TRPV1: variants seen among roughly 807,000 people sequenced by gnomAD.
The protein encoded by TRPV1 is OTRPC1.
Under a neutral mutation model 82.3 loss-of-function variants are expected in TRPV1, and 82 were observed. The ratio of observed to expected loss-of-function variants is 1.00; its 90% confidence interval spans 0.83 to 1.20. TRPV1 has a LOEUF of 1.20. Ranked by LOEUF, TRPV1 falls within the 50% of genes most tolerant of loss-of-function variation. The pLI, the probability that TRPV1 is intolerant of heterozygous loss-of-function variation, is 0.00. For synonymous variants in TRPV1, 515 were observed against 467.7 expected (o/e 1.10, Z -1.30); for missense variants, 1,067 against 1,096.8 (o/e 0.97, Z 0.38).
At chr17:3,579,276 G>A (rs976031819) in intron 11 of TRPV1, among the ~76,000 whole-genome samples, 1 of 152,108 alleles carries the variant, frequency 6.6e-6, no homozygotes, top group Admixed American at 6.6e-5. Flanking sequence ...GTTAAAGGAT[G>A]CGGTTTGTGA....
Position 3,567,003 on chromosome 17 carries a change from A to G in TRPV1, c.2348-16T>C, listed in dbSNP as rs2074773123. ...CTGCCTGAAACTGAAGGGTAACACTATTACTACCTTGGATGCAACAAAACA... is the reference window on the plus strand; with the variant it reads ...CTGCCTGAAACTGAAGGGTAACACTGTTACTACCTTGGATGCAACAAAACA... On this transcript the variant is annotated splice_polypyrimidine_tract_variant and intron_variant, in intron 16 of 16. Coordinates refer to ENST00000572705, the MANE Select transcript of TRPV1 (RefSeq NM_080704.4). The G allele has an allele frequency of 6.2e-7, 1 of 1,612,386 alleles. No individual in the cohort carries two copies. The highest frequency in any genetic ancestry group is 1.1e-5 in the South Asian group (1 of 90,960).
intron 12 of TRPV1, 74 bp from the exon 13 acceptor site, chr17:3,577,266 G>A (rs756855799): frequency 2.6e-5 from 39 of 1,487,650 alleles, no homozygotes; most frequent in African/African-American, 8.4e-5. Context: ...GGGCCGCATC[G>A]GCCTGGGGAT....
intron 16 of TRPV1, 93 bp from the exon 17 acceptor site, chr17:3,567,080 A>G (rs2074773713): frequency 1.4e-6 from 2 of 1,429,260 alleles, no homozygotes; most frequent in South Asian, 2.7e-5. Flanking sequence ...GGTCCAAGAC[A>G]GGCACGATGG....
At chr17:3,589,731 C>T in intron 7 of TRPV1, 76 bp downstream of exon 7, 9 of 1,500,902 alleles carry the variant, frequency 6.0e-6, no homozygotes, top group Non-Finnish European at 8.1e-6. Context: ...CGCCAGGCTC[C>T]CGCAGTGAGT....
rs371029458 is a variant in TRPV1 at position 3,583,368 on chromosome 17, C to T, written c.1446G>A (p.Val482=). ...YFRVTGEILS[V]LGGVYFFFRG... ...GGAAAAAGAAGTAGACTCCTCCTAA[C>T]ACAGACAGGATCTCTCCAGTAACTC... Residue 482 remains valine, a synonymous_variant, in exon 10 of 17, where the codon GTG becomes GTA. Coordinates refer to ENST00000572705, the MANE Select transcript of TRPV1 (RefSeq NM_080704.4). 3.7e-6 allele frequency: 6 copies of T among 1,610,302 alleles called. No homozygotes were observed. Among genetic ancestry groups the T allele is most frequent in the Non-Finnish European group, 5.1e-6 (6 of 1,178,302 alleles).
At chr17:3,568,181 G>T (rs1219323989) in intron 16 of TRPV1, among the ~76,000 whole-genome samples, 1 of 152,022 alleles carries the variant, frequency 6.6e-6, no homozygotes, top group Non-Finnish European at 1.5e-5. Context: ...AATTAGCCGG[G>T]CGTAGTGGCG....
intron 16 of TRPV1, 77 bp downstream of exon 16, chr17:3,571,447 G>A: frequency 2.5e-6 from 3 of 1,209,964 alleles, no homozygotes; most frequent in Non-Finnish European, 3.5e-6. Context: ...CAAGGCGTGG[G>A]GAACCTGCAA....
At chr17:3,568,321 CA>C (rs536064872) in intron 16 of TRPV1, among the ~76,000 whole-genome samples, 227 of 88,124 alleles carry the variant, frequency 2.6e-3, no homozygotes, top group Middle Eastern at 7.6e-3. Context: ...GACTCCGTCT[CA>C]AAAAAAAAAA....
intron 15 of TRPV1, 110 bp from the exon 16 acceptor site, chr17:3,571,749 G>A: frequency 1.2e-6 from 1 of 844,826 alleles, no homozygotes; most frequent in Non-Finnish European, 1.9e-6. Flanking sequence ...TGGAGATGTG[G>A]TGGGTCGGGG....
intron 3 of TRPV1, among the ~76,000 whole-genome samples, chr17:3,591,865 C>T (rs945138683): frequency 2.6e-5 from 4 of 152,344 alleles, no homozygotes; most frequent in East Asian, 3.9e-4. Context: ...CGGGCGTGGA[C>T]ACCTAGACCC....
chr17:3,589,945 G>A lies in TRPV1; in HGVS notation c.906C>T (p.Asn302=). 1 of 1,569,792 alleles carries A rather than the reference G, an allele frequency of 6.4e-7. No homozygotes were observed. Residue 302 remains asparagine (N), a synonymous_variant, in exon 7 of 17, where the codon AAC becomes AAT. Coordinates refer to ENST00000572705, the MANE Select transcript of TRPV1 (RefSeq NM_080704.4). ...TGTACATGCTCGTCACAAACTTCGTGTTGTCGGCCGTGTTGTCGGCCACCT... is the reference window on the plus strand; with the variant it reads ...TGTACATGCTCGTCACAAACTTCGTATTGTCGGCCGTGTTGTCGGCCACCT... ...LVEVADNTAD[N]TKFVTSMYNE... is the part of the protein sequence containing the mutation.
chr17:3,603,722 T>C (rs933382124), intron 2 of TRPV1, among the ~76,000 whole-genome samples: 1 of 152,320 alleles, frequency 6.6e-6, no homozygotes, highest in African/African-American at 2.4e-5. Context: ...TTATGACTAA[T>C]TGTTTTTTAA....
chr17:3,603,340 G>A (rs903180736), intron 2 of TRPV1, among the ~76,000 whole-genome samples: 2 of 152,076 alleles, frequency 1.3e-5, no homozygotes, highest in Non-Finnish European at 2.9e-5. Context: ...CTGGAGCCCC[G>A]CTCTGCAGAG....
chr17:3,580,536 A>C lies in TRPV1; in HGVS notation c.1477-9T>G. 6.2e-7 allele frequency: 1 copy of C among 1,613,974 alleles called. No homozygotes were observed. On this transcript the variant is annotated splice_polypyrimidine_tract_variant and intron_variant, in intron 10 of 16. Coordinates refer to ENST00000572705, the MANE Select transcript of TRPV1 (RefSeq NM_080704.4). The stretch of plus-strand genomic sequence containing the variant: ...TGCAGGAAATACTGAATCTGCAGGT[A>C]AACAGAGAGAGTAAGATCCCAGGCA...
chr17:3,574,009 T>A (rs905186557), intron 13 of TRPV1, 54 bp from the exon 14 acceptor site: 6 of 1,423,384 alleles, frequency 4.2e-6, no homozygotes, highest in Non-Finnish European at 5.7e-6. Flanking sequence ...ATATCCCAAG[T>A]CCCCTGACAT....
chr17:3,587,841 C>T (rs1302272258), intron 8 of TRPV1, among the ~76,000 whole-genome samples: 1 of 138,516 alleles, frequency 7.2e-6, no homozygotes, highest in African/African-American at 2.5e-5. Flanking sequence ...TCTACACGCC[C>T]TGCCATCAAG....
At chr17:3,570,213 T>C (rs1415862474) in intron 16 of TRPV1, among the ~76,000 whole-genome samples, 1 of 151,788 alleles carries the variant, frequency 6.6e-6, no homozygotes, top group East Asian at 1.9e-4. Flanking sequence ...ACTATAAAAA[T>C]ACAAAAATGA....
At chr17:3,572,984 GAAAAAAAAAAA>G (rs137909617) in intron 14 of TRPV1, among the ~76,000 whole-genome samples, 1 of 71,258 alleles carries the variant, frequency 1.4e-5, no homozygotes, top group African/African-American at 5.3e-5. Flanking sequence ...CTCCATCTCA[GAAAAAAAAAAA>G]AAAAAAAAAA....
At chr17:3,570,641 T>C (rs555331671) in intron 16 of TRPV1, among the ~76,000 whole-genome samples, 1 of 152,352 alleles carries the variant, frequency 6.6e-6, no homozygotes, top group South Asian at 2.1e-4. Context: ...ATTTATTTAA[T>C]GTTTTCTATT....
Sources: gnomAD v4.1 joint callset for allele counts (sites outside exome capture counted in the v4.1 genomes callset) on GRCh38, gnomAD v4.1.1 for gene constraint, MANE v1.5 for transcripts, NCBI Gene and HGNC (gene_info 2026-07-23, HGNC 2026-07-21) for gene names.